The following TTC27 variants were observed in gnomAD, a reference collection of about 807,000 sequenced individuals.
TTC27 encodes tetratricopeptide repeat protein 27.
Under a neutral mutation model 115.9 loss-of-function variants are expected in TTC27, and 79 were observed. That is an observed-to-expected ratio of 0.68 (90% confidence interval 0.57 to 0.82). The LOEUF (loss-of-function observed/expected upper bound fraction) is 0.82, where lower values mean the gene tolerates loss of function less well. Among genes scored for constraint, TTC27 ranks in the 40% least tolerant of loss-of-function variants. TTC27 has a pLI of 0.00. For synonymous variants in TTC27, 401 were observed against 356.0 expected (o/e 1.13, Z -1.42); for missense variants, 1,054 against 993.1 (o/e 1.06, Z -0.82).
chr2:32,634,694 T>C (rs1271564149), intron 3 of TTC27, among the ~76,000 whole-genome samples: 1 of 152,044 alleles, frequency 6.6e-6, no homozygotes, highest in Non-Finnish European at 1.5e-5. Flanking sequence ...TCTTGCTCTG[T>C]CACCCAGGCT....
chr2:32,718,545 T>G (rs1667823022), intron 10 of TTC27, among the ~76,000 whole-genome samples: 1 of 152,234 alleles, frequency 6.6e-6, no homozygotes. Context: ...TCCTGTGAAT[T>G]ATCTGTCCTC....
At chr2:32,746,749 G>T (rs1050692674) in intron 12 of TTC27, among the ~76,000 whole-genome samples, 1 of 152,000 alleles carries the variant, frequency 6.6e-6, no homozygotes, top group African/African-American at 2.4e-5. Context: ...ATCTTTTGTA[G>T]CTCATTATTT....
chr2:32,809,414 A>C (rs1254819833), intron 16 of TTC27, among the ~76,000 whole-genome samples: 1 of 152,258 alleles, frequency 6.6e-6, no homozygotes, highest in African/African-American at 2.4e-5. Flanking sequence ...AGATGTGGGC[A>C]GCTGTCTCTT....
At chr2:32,648,123 C>T (rs138853169) in intron 4 of TTC27, among the ~76,000 whole-genome samples, 2 of 152,118 alleles carry the variant, frequency 1.3e-5, no homozygotes, top group East Asian at 3.9e-4. Context: ...TTTCACTCTT[C>T]ACCGTATATA....
At chr2:32,787,920 T>C (rs1187941528) in intron 16 of TTC27, among the ~76,000 whole-genome samples, 2 of 152,306 alleles carry the variant, frequency 1.3e-5, no homozygotes, top group East Asian at 3.9e-4. Flanking sequence ...GTGAATCTGT[T>C]TGCACAGTCC....
At chr2:32,675,118 T>C (rs1666152055) in intron 8 of TTC27, among the ~76,000 whole-genome samples, 1 of 152,244 alleles carries the variant, frequency 6.6e-6, no homozygotes, top group South Asian at 2.1e-4. Context: ...ATTAATAGTC[T>C]AACAACACCA....
At chr2:32,682,076 T>C (rs1028905698) in intron 9 of TTC27, among the ~76,000 whole-genome samples, 5 of 151,790 alleles carry the variant, frequency 3.3e-5, no homozygotes, top group African/African-American at 1.2e-4. Flanking sequence ...GACTGGGCTC[T>C]GTTCTTTTCT....
chr2:32,753,313 A>G (rs757683151), intron 12 of TTC27, among the ~76,000 whole-genome samples: 2 of 152,004 alleles, frequency 1.3e-5, no homozygotes, highest in African/African-American at 2.4e-5. Context: ...CACTTTTACC[A>G]TAGTCCCAAG....
intron 9 of TTC27, among the ~76,000 whole-genome samples, chr2:32,693,222 G>A (rs138342785): frequency 1.1e-3 from 171 of 152,286 alleles, no homozygotes; most frequent in African/African-American, 2.9e-3. Flanking sequence ...GAGGACTAAG[G>A]ATATAGCTCA....
At chr2:32,718,954 G>T (rs1340353321) in intron 10 of TTC27, among the ~76,000 whole-genome samples, 1 of 152,204 alleles carries the variant, frequency 6.6e-6, no homozygotes, top group African/African-American at 2.4e-5. Flanking sequence ...TGAGGTCTGA[G>T]ATAGTATCTC....
chr2:32,787,916 CT>C (rs1670403075), intron 16 of TTC27, among the ~76,000 whole-genome samples: 1 of 152,182 alleles, frequency 6.6e-6, no homozygotes, highest in African/African-American at 2.4e-5. Flanking sequence ...TCTAGTGAAT[CT>C]GTTTGCACAG....
chr2:32,677,290 G>C (rs550805495), intron 8 of TTC27, among the ~76,000 whole-genome samples: 19 of 151,886 alleles, frequency 1.3e-4, no homozygotes, highest in Non-Finnish European at 2.2e-4. Flanking sequence ...TTTTGGGCAT[G>C]GATTGTTTCC....
chr2:32,751,590 A>T (rs763040240), intron 12 of TTC27, among the ~76,000 whole-genome samples: 5 of 152,172 alleles, frequency 3.3e-5, no homozygotes, highest in Non-Finnish European at 7.4e-5. Flanking sequence ...ACAGACTTTC[A>T]TTAACCCAAC....
intron 10 of TTC27, among the ~76,000 whole-genome samples, chr2:32,724,871 GA>G (rs970196569): frequency 8.5e-5 from 13 of 152,274 alleles, no homozygotes; most frequent in Non-Finnish European, 1.6e-4. Context: ...ATTTATACAG[GA>G]AAAAGGGTAT....
intron 3 of TTC27, among the ~76,000 whole-genome samples, chr2:32,637,488 T>TC (rs1165205475): frequency 6.6e-6 from 1 of 151,944 alleles, no homozygotes; most frequent in African/African-American, 2.4e-5. Flanking sequence ...CCCGCCACCG[T>TC]GCCTGGCTAA....
At chr2:32,753,104 A>G (rs1016928346) in intron 12 of TTC27, among the ~76,000 whole-genome samples, 16 of 152,156 alleles carry the variant, frequency 1.1e-4, no homozygotes, top group African/African-American at 3.6e-4. Flanking sequence ...GGGACTGGCT[A>G]GGCAACTCTC....
intron 6 of TTC27, among the ~76,000 whole-genome samples, chr2:32,664,675 G>A (rs917171867): frequency 6.6e-5 from 10 of 151,982 alleles, no homozygotes; most frequent in East Asian, 1.9e-4. Flanking sequence ...CATTTATTGC[G>A]CTGATCTGTT....
chr2:32,699,234 G>A (rs1667101519), intron 9 of TTC27, among the ~76,000 whole-genome samples: 1 of 152,226 alleles, frequency 6.6e-6, no homozygotes, highest in Non-Finnish European at 1.5e-5. Flanking sequence ...TAGAGATGGA[G>A]TCACTTAGAT....
intron 1 of TTC27, 39 bp from the exon 2 acceptor site, chr2:32,630,484 A>T (rs772251182): frequency 7.5e-5 from 113 of 1,504,096 alleles, no homozygotes; most frequent in East Asian, 4.5e-5. Context: ...ATGAAAAATA[A>T]TTTTTTTTGG....
Sources: allele counts gnomAD v4.1 joint callset (sites outside exome capture counted in the v4.1 genomes callset), GRCh38; gene constraint gnomAD v4.1.1; transcripts MANE v1.5; gene names NCBI Gene and HGNC (gene_info 2026-07-23, HGNC 2026-07-21).